Variants in KIF1C observed in about 807,000 individuals in gnomAD.
The protein encoded by KIF1C is kinesin-like protein KIF1C.
Under a neutral mutation model 126.5 loss-of-function variants are expected in KIF1C, and 61 were observed. That is an observed-to-expected ratio of 0.48 (90% CI 0.39 to 0.60). KIF1C has a LOEUF of 0.60. Among genes scored for constraint, KIF1C ranks in the 20% least tolerant of loss-of-function variants. KIF1C has a pLI of 0.00. For missense variants in KIF1C, 1,315 were observed against 1,489.2 expected, an observed-to-expected ratio of 0.88 and a Z score of 1.93; for synonymous variants, 640 against 580.6, an observed-to-expected ratio of 1.10 and a Z score of -1.47.
chr17:5,002,051 C>T lies in KIF1C; in HGVS notation c.364-8C>T, dbSNP rs766900182. 27 of 1,613,604 alleles carry T rather than the reference C, an allele frequency of 1.7e-5. No individual in the cohort carries two copies. In the African/African-American group the frequency reaches 1.7e-4, roughly 10 times the overall value. ...AGCTTCTCTGTATTTCCCTGTGTCC[C>T]CCTCCAGCTCTGTGAGGACCTCTTC... is the stretch of plus-strand genomic sequence containing the variant. On this transcript the variant is annotated splice_region_variant and splice_polypyrimidine_tract_variant and intron_variant, in intron 5 of 22. Coordinates refer to ENST00000320785, the MANE Select transcript of KIF1C (RefSeq NM_006612.6).
At chr17:5,012,286 G>A (rs1324346418) in intron 16 of KIF1C, among the ~76,000 whole-genome samples, 1 of 152,140 alleles carries the variant, frequency 6.6e-6, no homozygotes, top group African/African-American at 2.4e-5. Flanking sequence ...TCTGATGGAA[G>A]GCTTAGGAAA....
intron 18 of KIF1C, among the ~76,000 whole-genome samples, chr17:5,018,613 C>G (rs1975027823): frequency 6.6e-6 from 1 of 151,648 alleles, no homozygotes; most frequent in South Asian, 2.1e-4. Context: ...TGCTTGAACC[C>G]AGGAGGAGAG....
At chr17:5,002,865 T>G in intron 8 of KIF1C, 23 bp downstream of exon 8, 6 of 1,096,672 alleles carry the variant, frequency 5.5e-6, no homozygotes, top group South Asian at 1.4e-5. Context: ...CCCCCCCCAC[T>G]CCCCCACCGG....
At position 5,007,275 on chromosome 17, in the gene KIF1C, A is replaced by T. The variant is rs1287212818; in HGVS notation, c.1348A>T (p.Ile450Phe). Residue 450 changes from isoleucine (I) to phenylalanine (F), a missense_variant, in exon 15 of 23, where the codon ATT (isoleucine) becomes TTT (phenylalanine). Ile to Phe is a conservative substitution (Grantham distance 21). This residue lies in a region of KIF1C where 874 missense variants were observed against 1,053.2 expected (regional missense o/e 0.83). Transcript: ENST00000320785. Reference sequence around the variant, plus strand: ...CTTACGCCCCCAGGAGACAGAGAAGATTATAGCTGAGCTGAACGAGACATG... The same window carrying T: ...CTTACGCCCCCAGGAGACAGAGAAGTTTATAGCTGAGCTGAACGAGACATG... ...AMERLQETEK[I>F]IAELNETWEE... 6.2e-7 allele frequency: 1 copy of T among 1,609,466 alleles called. No individual in the cohort carries two copies. Among genetic ancestry groups the T allele is most frequent in the Non-Finnish European group, 8.5e-7 (1 of 1,177,802 alleles).
At chr17:5,003,237 A>C (rs941287277) in intron 8 of KIF1C, among the ~76,000 whole-genome samples, 2 of 151,716 alleles carry the variant, frequency 1.3e-5, no homozygotes, top group Non-Finnish European at 2.9e-5. Flanking sequence ...AGTAGAGACG[A>C]GGTTTCGCCA....
Position 5,007,275 on chromosome 17 carries a change from A to G in KIF1C, c.1348A>G (p.Ile450Val). 1 of 1,609,466 alleles carries G rather than the reference A, an allele frequency of 6.2e-7. No homozygotes were observed. The highest frequency in any genetic ancestry group is 8.5e-7 in the Non-Finnish European group (1 of 1,177,802). The part of the protein sequence containing the change: ...AMERLQETEK[I>V]IAELNETWEE... ...CTTACGCCCCCAGGAGACAGAGAAG[A>G]TTATAGCTGAGCTGAACGAGACATG... is the stretch of plus-strand genomic sequence containing the variant. The change falls in exon 15 of 23, where the codon ATT becomes GTT. Residue 450 changes from isoleucine to valine, a missense_variant. Transcript: ENST00000320785.
intron 16 of KIF1C, among the ~76,000 whole-genome samples, chr17:5,011,249 A>G (rs1300146244): frequency 6.6e-6 from 1 of 152,162 alleles, no homozygotes; most frequent in Non-Finnish European, 1.5e-5. Context: ...CCAACAGGGA[A>G]TAGTTGGGTC....
chr17:5,020,802 C>A lies in KIF1C; in HGVS notation c.1938-4C>A. The A allele has an allele frequency of 6.3e-7, 1 of 1,595,318 alleles. No individual in the cohort carries two copies. Among genetic ancestry groups the A allele is most frequent in the Non-Finnish European group, 8.5e-7 (1 of 1,170,468 alleles). On this transcript the variant is annotated splice_region_variant and splice_polypyrimidine_tract_variant and intron_variant, in intron 20 of 22. Transcript: ENST00000320785. This position sits in a 1 kb window ranked among gnomAD's most constrained non-coding sequence, Gnocchi z 5.8. ...CTCTTCCTTCCCTCCCTGTCCAATC[C>A]CAGGCTGCAGGATCTGGAGAATCAG...
At chr17:5,010,799 T>G (rs1163353629) in intron 16 of KIF1C, among the ~76,000 whole-genome samples, 1 of 151,690 alleles carries the variant, frequency 6.6e-6, no homozygotes, top group African/African-American at 2.4e-5. Flanking sequence ...CTCTGAAGAT[T>G]ATAACCATAC....
chr17:5,002,445 A>G lies in KIF1C; in HGVS notation c.430-19A>G, dbSNP rs370758783. On this transcript the variant is annotated intron_variant, in intron 6 of 22. Transcript: ENST00000320785. ...GTTTTTGCTAGTTTTGTTACTTCTCATTTGCTTCTCCCACTCAGGTGAGCT... is the reference window on the plus strand; with the variant it reads ...GTTTTTGCTAGTTTTGTTACTTCTCGTTTGCTTCTCCCACTCAGGTGAGCT... 3.1e-5 allele frequency: 48 copies of G among 1,565,432 alleles called. No homozygotes were observed. The highest frequency in any genetic ancestry group is 4.0e-5 in the Non-Finnish European group (46 of 1,152,414).
In KIF1C at chr17:5,004,842, C is replaced by T; in HGVS notation, c.1020-13C>T. On this transcript the variant is annotated splice_polypyrimidine_tract_variant and intron_variant, in intron 12 of 22. Transcript: ENST00000320785. ...CCCCCAGGCCTCACCGACCCTGCTCCTCTGTCACCCAGGTATGCTGACCGC... is the reference window on the plus strand; with the variant it reads ...CCCCCAGGCCTCACCGACCCTGCTCTTCTGTCACCCAGGTATGCTGACCGC... The T allele has an allele frequency of 6.2e-7, 1 of 1,614,204 alleles. No homozygotes were observed. The highest frequency in any genetic ancestry group is 1.1e-5 in the South Asian group (1 of 91,090).
Position 5,003,682 on chromosome 17 carries a change from G to A in KIF1C, c.791G>A (p.Arg264His), listed in dbSNP as rs774939825. ...GACTCCTCAGGGGCCCGGGGCATGC[G>A]CCTGAAGGTGAGGGGCCTTCAGAGG... ...RADSSGARGM[R>H]LKEGANINKS... The change falls in exon 9 of 23, where the codon CGC (arginine) becomes CAC (histidine). Residue 264 changes from arginine (R) to histidine (H), a missense_variant. Physicochemically the swap from Arg to His is conservative, Grantham distance 29. This residue lies in a region of KIF1C where 874 missense variants were observed against 1,053.2 expected (regional missense o/e 0.83). Transcript: ENST00000320785. The A allele has an allele frequency of 1.1e-5, 18 of 1,612,988 alleles. No individual in the cohort carries two copies. The highest frequency in any genetic ancestry group is 1.3e-5 in the African/African-American group (1 of 74,914).
chr17:5,020,121 G>T lies in KIF1C; in HGVS notation c.1750+42G>T, dbSNP rs1479149921. 6 of 1,482,850 alleles carry T rather than the reference G, an allele frequency of 4.0e-6. No homozygotes were observed. The highest frequency in any genetic ancestry group is 5.5e-6 in the Non-Finnish European group (6 of 1,082,334). The allele number at this position is 1,482,850 out of a possible 1,614,324, so 91.9% of individuals were successfully genotyped here. ...AGATTGAGGGTTCTGGGGCGTGGCT[G>T]TGTGTAGGAAGTCTCAAGGGAGGTC... is the stretch of plus-strand genomic sequence containing the variant. On this transcript the variant is annotated intron_variant, in intron 19 of 22. Transcript: ENST00000320785. The surrounding 1 kb of genome is among the most constrained non-coding windows in gnomAD (Gnocchi z 5.8).
In KIF1C at chr17:5,002,534, G is replaced by A. The variant is rs199962814; in HGVS notation, c.500G>A (p.Arg167Gln). 4.5e-5 allele frequency: 72 copies of A among 1,613,784 alleles called. No homozygotes were observed. The highest frequency in any genetic ancestry group is 2.1e-4 in the South Asian group (19 of 91,072). Residue 167 changes from arginine (R) to glutamine (Q), a missense_variant, in exon 7 of 23, where the codon CGG becomes CAG. Arg to Gln is a conservative substitution (Grantham distance 43, BLOSUM62 1). Coordinates refer to ENST00000320785, the MANE Select transcript of KIF1C (RefSeq NM_006612.6). ...AACCCCAAGAGTCGGGGTTCTCTGC[G>A]GGTCCGGGAGCACCCCATCCTGGGC... is the stretch of plus-strand genomic sequence containing the variant. ...LLNPKSRGSL[R>Q]VREHPILGPY...
Position 5,014,960 on chromosome 17 carries a change from G to A in KIF1C, c.1666+123G>A, listed in dbSNP as rs1974941919. ...TGCAGCCATATAAAGAGGGGATGTG[G>A]CCTTGTCCTCAGAGGGGCTTGGGGC... On this transcript the variant is annotated intron_variant, in intron 18 of 22. Transcript: ENST00000320785. 1.2e-5 allele frequency: 9 copies of A among 772,314 alleles called. No individual in the cohort carries two copies. In the East Asian group the frequency reaches 2.4e-4, roughly 21 times the overall value. 47.8% of individuals were successfully genotyped at this position (772,314 alleles called of 1,614,324 possible). A position where few individuals can be genotyped will look rare whatever the true frequency, so the allele number is the denominator to read the frequency against.
chr17:5,007,567 G>A, intron 16 of KIF1C, 25 bp downstream of exon 16: 1 of 1,517,204 alleles, frequency 6.6e-7, no homozygotes, highest in Non-Finnish European at 8.8e-7. Flanking sequence ...GAGCGAGGAG[G>A]CCTAGAGAGC....
chr17:5,004,332 C>T (rs1005011486), intron 11 of KIF1C, among the ~76,000 whole-genome samples: 1 of 152,224 alleles, frequency 6.6e-6, no homozygotes, highest in Non-Finnish European at 1.5e-5. Flanking sequence ...CACTGCTGCA[C>T]TGCTGACTTC....
Position 5,022,445 on chromosome 17 carries a change from G to A in KIF1C, c.2364G>A (p.Lys788=), listed in dbSNP as rs775845219. 5 of 1,582,794 alleles carry A rather than the reference G, an allele frequency of 3.2e-6. No homozygotes were observed. Among genetic ancestry groups the A allele is most frequent in the Admixed American group, 3.6e-5 (2 of 55,302 alleles). Reference sequence around the variant, plus strand: ...GGGAGCTGTGTCGCACCTATGGCAAGCCAGACGGCCCCGGAGACGCCTGGA... The same window carrying A: ...GGGAGCTGTGTCGCACCTATGGCAAACCAGACGGCCCCGGAGACGCCTGGA... The part of the protein sequence containing the change: ...KMRELCRTYG[K]PDGPGDAWRA... Residue 788 remains lysine (K), a synonymous_variant, in exon 22 of 23, where the codon AAG becomes AAA. Transcript: ENST00000320785. The surrounding 1 kb of genome is among the most constrained non-coding windows in gnomAD (Gnocchi z 4.9).
intron 18 of KIF1C, among the ~76,000 whole-genome samples, chr17:5,019,033 C>T (rs563495593): frequency 1.1e-4 from 16 of 152,116 alleles, no homozygotes; most frequent in Non-Finnish European, 2.2e-4. Flanking sequence ...CCGTGATGCC[C>T]TTGGCTGCCC....
Sources: gnomAD v4.1 joint callset for allele counts (sites outside exome capture counted in the v4.1 genomes callset) on GRCh38, gnomAD v4.1.1 for gene constraint, gnomAD v4.1.1 regional missense constraint, Gnocchi (gnomAD v3.1) non-coding constraint, MANE v1.5 for transcripts, NCBI Gene and HGNC (gene_info 2026-07-23, HGNC 2026-07-21) for gene names.